Variants in DRC9 observed in about 807,000 individuals in gnomAD.
The protein encoded by DRC9 is dynein regulatory complex protein 9.
At chr3:197,960,011 G>T in the DRC9 span, 1 of 571,076 alleles carries the variant, frequency 1.8e-6, no homozygotes, top group Non-Finnish European at 3.1e-6. Flanking sequence ...TCCTCCCACA[G>T]CCCCACTCAC....
the DRC9 span, chr3:197,892,720 C>T: frequency 1.4e-5 from 22 of 1,613,972 alleles, no homozygotes; most frequent in Non-Finnish European, 1.9e-5. Context: ...GTGTCCTTAT[C>T]GTATTTCTCC....
the DRC9 span, among the ~76,000 whole-genome samples, chr3:197,920,462 C>T: frequency 3.3e-5 from 5 of 149,522 alleles, no homozygotes; most frequent in Admixed American, 1.3e-4. Context: ...CGTGATGGCT[C>T]ATGCCTGTAA....
chr3:197,927,456 C>T, the DRC9 span, among the ~76,000 whole-genome samples: 1 of 152,134 alleles, frequency 6.6e-6, no homozygotes, highest in Non-Finnish European at 1.5e-5. Flanking sequence ...GAATTCCTGA[C>T]GTCAGGTGAT....
At chr3:197,891,912 G>A in the DRC9 span, among the ~76,000 whole-genome samples, 1 of 152,164 alleles carries the variant, frequency 6.6e-6, no homozygotes, top group Non-Finnish European at 1.5e-5. Context: ...TTGAGACAGA[G>A]TCTCACTCTG....
chr3:197,926,804 C>T, the DRC9 span, among the ~76,000 whole-genome samples: 2 of 152,140 alleles, frequency 1.3e-5, no homozygotes, highest in African/African-American at 4.8e-5. Flanking sequence ...CCGTGTCTTC[C>T]AGCCTCTCCT....
At chr3:197,932,615 G>C in the DRC9 span, among the ~76,000 whole-genome samples, 1 of 150,494 alleles carries the variant, frequency 6.6e-6, no homozygotes, top group Non-Finnish European at 1.5e-5. Flanking sequence ...TCTGGCAACA[G>C]AGTGAGACTC....
the DRC9 span, chr3:197,889,596 C>T: frequency 6.2e-7 from 1 of 1,614,212 alleles, no homozygotes; most frequent in Non-Finnish European, 8.5e-7. Context: ...CTTCTTGCCT[C>T]TCCTCTTATC....
chr3:197,890,532 C>T, the DRC9 span, among the ~76,000 whole-genome samples: 2 of 152,258 alleles, frequency 1.3e-5, no homozygotes, highest in East Asian at 3.9e-4. Context: ...ATTTAGTTAG[C>T]TTTCTTGAAT....
At chr3:197,947,788 G>A in the DRC9 span, among the ~76,000 whole-genome samples, 1 of 152,144 alleles carries the variant, frequency 6.6e-6, no homozygotes, top group African/African-American at 2.4e-5. Flanking sequence ...AATATAATTG[G>A]TTGGTTATGT....
chr3:197,923,018 GAC>G, the DRC9 span, among the ~76,000 whole-genome samples: 1 of 152,120 alleles, frequency 6.6e-6, no homozygotes, highest in Non-Finnish European at 1.5e-5. Context: ...ATGACATCAA[GAC>G]CTAGAGCTAC....
the DRC9 span, among the ~76,000 whole-genome samples, chr3:197,909,165 T>C: frequency 0.012 from 1,873 of 152,302 alleles, 38 homozygotes; most frequent in African/African-American, 0.043. Context: ...TTGGCATGAC[T>C]ATGACAAACT....
chr3:197,912,072 G>A, the DRC9 span, among the ~76,000 whole-genome samples: 1 of 151,648 alleles, frequency 6.6e-6, no homozygotes, highest in South Asian at 2.1e-4. Flanking sequence ...ACGGGGTCTC[G>A]CTCTGTTGCC....
chr3:197,947,454 A>G, the DRC9 span, among the ~76,000 whole-genome samples: 1 of 152,060 alleles, frequency 6.6e-6, no homozygotes, highest in African/African-American at 2.4e-5. Context: ...CCCAACTACA[A>G]CTGCACTTTC....
At chr3:197,918,411 G>A in the DRC9 span, among the ~76,000 whole-genome samples, 39 of 151,724 alleles carry the variant, frequency 2.6e-4, no homozygotes, top group African/African-American at 8.9e-4. Context: ...GTATAGGTTT[G>A]AATCTTTAGG....
chr3:197,955,612 C>A, the DRC9 span: 1 of 777,658 alleles, frequency 1.3e-6, no homozygotes, highest in South Asian at 1.4e-5. Flanking sequence ...CACGTAGAGA[C>A]TGAAGGCTAT....
chr3:197,924,760 C>T, the DRC9 span, among the ~76,000 whole-genome samples: 4 of 152,154 alleles, frequency 2.6e-5, no homozygotes, highest in Non-Finnish European at 5.9e-5. Flanking sequence ...CCTCGTGATC[C>T]GCCCGTCTTG....
chr3:197,906,150 T>G, the DRC9 span, among the ~76,000 whole-genome samples: 1 of 152,160 alleles, frequency 6.6e-6, no homozygotes, highest in South Asian at 2.1e-4. Context: ...TGCTAAGCTG[T>G]GTCAGTAGAG....
At chr3:197,926,130 G>T in the DRC9 span, 1 of 1,296,890 alleles carries the variant, frequency 7.7e-7, no homozygotes, top group Non-Finnish European at 1.1e-6. Flanking sequence ...AATGATTTGT[G>T]TTTAGAGCAG....
the DRC9 span, among the ~76,000 whole-genome samples, chr3:197,915,036 C>T: frequency 2.1e-4 from 32 of 151,300 alleles, no homozygotes; most frequent in East Asian, 2.9e-3. Flanking sequence ...TGGTGGCGGG[C>T]GCCTGTAATC....
Sources: gnomAD v4.1 joint callset for allele counts (sites outside exome capture counted in the v4.1 genomes callset) on GRCh38, gnomAD v4.1.1 for gene constraint, MANE v1.5 for transcripts, NCBI Gene and HGNC (gene_info 2026-07-23, HGNC 2026-07-21) for gene names.